Variants in ARHGAP10 observed in about 807,000 individuals in gnomAD.
ARHGAP10 encodes Rho GTPase activating protein 10, also known as rho GTPase-activating protein 10.
A neutral mutation model predicts 108.6 loss-of-function variants in ARHGAP10; 87 were observed. That is an observed-to-expected ratio of 0.80 (90% CI 0.67 to 0.96). The LOEUF (loss-of-function observed/expected upper bound fraction) is 0.96, where lower values mean the gene tolerates loss of function less well. Among genes scored for constraint, ARHGAP10 ranks in the 40% least tolerant of loss-of-function variants. The pLI is 0.00. For synonymous variants in ARHGAP10, 347 were observed against 341.1 expected (o/e 1.02, Z -0.19); for missense variants, 939 against 954.5 (o/e 0.98, Z 0.21).
rs558325990 is a variant in ARHGAP10 at position 147,886,141 on chromosome 4, G to A, written c.1034+4209G>A. Among the ~76,000 whole-genome samples, 23 of 152,252 alleles carry A rather than the reference G, an allele frequency of 1.5e-4. 1 individual carries two copies. The highest frequency in any genetic ancestry group is 4.3e-4 in the African/African-American group (18 of 41,540). ...TTCCATTCCCAAGATACCTCATTTC[G>A]TATGTGCAAATATTCTAAAATCCAA... On this transcript the variant is annotated intron_variant, in intron 10 of 22. Coordinates refer to ENST00000336498, the MANE Select transcript of ARHGAP10 (RefSeq NM_024605.4).
At chr4:148,007,232 G>A (rs192149408) in intron 18 of ARHGAP10, among the ~76,000 whole-genome samples, 20 of 152,110 alleles carry the variant, frequency 1.3e-4, no homozygotes, top group East Asian at 3.9e-4. Flanking sequence ...CTTTTCTTTC[G>A]GAAAGAGATA....
intron 1 of ARHGAP10, among the ~76,000 whole-genome samples, chr4:147,733,925 T>C (rs1045839252): frequency 6.6e-6 from 1 of 152,102 alleles, no homozygotes; most frequent in African/African-American, 2.4e-5. Flanking sequence ...AATGGGACTC[T>C]GGGACATGTG....
intron 7 of ARHGAP10, 52 bp from the exon 8 acceptor site, chr4:147,874,969 G>A: frequency 6.9e-7 from 1 of 1,454,908 alleles, no homozygotes; most frequent in Non-Finnish European, 9.1e-7. Context: ...ATGTTCATGA[G>A]AAAACTCATA....
chr4:147,872,787 CATA>C (rs1734887791), intron 7 of ARHGAP10, among the ~76,000 whole-genome samples: 1 of 152,318 alleles, frequency 6.6e-6, no homozygotes, highest in African/African-American at 2.4e-5. Flanking sequence ...TGTGTGTCTT[CATA>C]ATGAGTAGGC....
intron 5 of ARHGAP10, among the ~76,000 whole-genome samples, chr4:147,859,294 T>C (rs1321401913): frequency 2.7e-5 from 4 of 148,284 alleles, no homozygotes; most frequent in Admixed American, 2.7e-4. Flanking sequence ...TTTTTTGAGA[T>C]GGAGTTTTGC....
intron 18 of ARHGAP10, among the ~76,000 whole-genome samples, chr4:148,018,325 C>T (rs542877804): frequency 6.6e-6 from 1 of 152,264 alleles, no homozygotes; most frequent in South Asian, 2.1e-4. Context: ...GAGGAATTTG[C>T]ATCCAGGCAG....
chr4:148,014,432 G>A (rs1040449323), intron 18 of ARHGAP10, among the ~76,000 whole-genome samples: 10 of 152,132 alleles, frequency 6.6e-5, no homozygotes, highest in Non-Finnish European at 7.4e-5. Flanking sequence ...TTTATAATTG[G>A]GGATATATGT....
At position 147,819,678 on chromosome 4, in the gene ARHGAP10, C is replaced by T. The variant is rs572919481; in HGVS notation, c.155-3049C>T. Among the ~76,000 whole-genome samples, 83 of 152,238 alleles carry T rather than the reference C, an allele frequency of 5.5e-4. 1 individual carries two copies. Among genetic ancestry groups the T allele is most frequent in the Middle Eastern group, 6.8e-3 (2 of 294 alleles). ...GGTTCACACCATTCTCCTGCCTCAG[C>T]CTCCTGAGTAGCTGGGACTACAGGT... On this transcript the variant is annotated intron_variant, in intron 1 of 22. Transcript: ENST00000336498.
intron 13 of ARHGAP10, among the ~76,000 whole-genome samples, chr4:147,926,297 T>A (rs1339672754): frequency 6.6e-6 from 1 of 152,098 alleles, no homozygotes; most frequent in African/African-American, 2.4e-5. Context: ...TGCTTGAATT[T>A]GGGGAGTAAT....
intron 1 of ARHGAP10, among the ~76,000 whole-genome samples, chr4:147,751,883 GTTTTT>G (rs371998598): frequency 7.9e-6 from 1 of 126,304 alleles, no homozygotes; most frequent in East Asian, 2.3e-4. Context: ...GAAGCCTTTA[GTTTTT>G]TTTTTTTTTT....
At chr4:147,793,168 GTGTGTGTGTGTGCATATA>G (rs1305842066) in intron 1 of ARHGAP10, among the ~76,000 whole-genome samples, 1 of 151,844 alleles carries the variant, frequency 6.6e-6, no homozygotes, top group East Asian at 1.9e-4. Flanking sequence ...GTATGTATGT[GTGTGTGTGTGTGCATATA>G]TGTGTGTGTG....
chr4:147,915,427 T>G (rs1736938956), intron 13 of ARHGAP10, among the ~76,000 whole-genome samples: 1 of 152,242 alleles, frequency 6.6e-6, no homozygotes, highest in African/African-American at 2.4e-5. Context: ...TTGTGTCATT[T>G]GCATGCTTAT....
intron 11 of ARHGAP10, among the ~76,000 whole-genome samples, chr4:147,907,813 C>T (rs1357696437): frequency 6.6e-6 from 1 of 152,104 alleles, no homozygotes; most frequent in African/African-American, 2.4e-5. Context: ...GTCGTCTTAC[C>T]ATATTTGGGA....
chr4:147,736,120 CTGTGTGTGTGTG>C (rs10644088), intron 1 of ARHGAP10, among the ~76,000 whole-genome samples: 44 of 144,742 alleles, frequency 3.0e-4, no homozygotes, highest in Admixed American at 8.3e-4. Context: ...AATTGTCTAG[CTGTGTGTGTGTG>C]TGTGTGTGTG....
At chr4:147,818,836 A>G (rs1037677851) in intron 1 of ARHGAP10, among the ~76,000 whole-genome samples, 4 of 152,234 alleles carry the variant, frequency 2.6e-5, no homozygotes, top group Admixed American at 1.3e-4. Context: ...AGTAATGGAA[A>G]GGAAATTACA....
chr4:147,959,492 T>C (rs1738911428), intron 16 of ARHGAP10, among the ~76,000 whole-genome samples: 3 of 152,152 alleles, frequency 2.0e-5, no homozygotes, highest in Non-Finnish European at 4.4e-5. Flanking sequence ...ACATTAGGTA[T>C]ATCTCCTAAT....
chr4:147,950,586 A>G (rs967480750), intron 15 of ARHGAP10, among the ~76,000 whole-genome samples: 2 of 152,216 alleles, frequency 1.3e-5, no homozygotes, highest in African/African-American at 4.8e-5. Context: ...GAAAACAGCC[A>G]AAGCCCCAAA....
chr4:147,994,919 G>C (rs907265051), intron 18 of ARHGAP10, among the ~76,000 whole-genome samples: 3 of 152,262 alleles, frequency 2.0e-5, no homozygotes, highest in African/African-American at 7.2e-5. Flanking sequence ...AATAAGCACA[G>C]AGTAAGCTGT....
intron 19 of ARHGAP10, among the ~76,000 whole-genome samples, chr4:148,037,738 G>A (rs1728442791): frequency 6.6e-6 from 1 of 151,960 alleles, no homozygotes; most frequent in Non-Finnish European, 1.5e-5. Flanking sequence ...GGGATGCTGA[G>A]GTACGAGAAT....
Sources: allele counts gnomAD v4.1 joint callset (sites outside exome capture counted in the v4.1 genomes callset), GRCh38; gene constraint gnomAD v4.1.1; transcripts MANE v1.5; gene names NCBI Gene and HGNC (gene_info 2026-07-23, HGNC 2026-07-21).